TFDP1: variants seen among roughly 807,000 people sequenced by gnomAD.
The protein encoded by TFDP1 is DRTF1-polypeptide 1.
In TFDP1, 6 loss-of-function variants were observed where a neutral mutation model predicts 48.0. The observed-to-expected ratio is 0.13, with a 90% CI of 0.07 to 0.25. The LOEUF is 0.25. TFDP1 is among the 10% of genes least tolerant of loss of function. TFDP1 has a pLI of 1.00. For missense variants in TFDP1, 335 were observed against 543.0 expected, an observed-to-expected ratio of 0.62 and a Z score of 3.81; for synonymous variants, 201 against 211.6, an observed-to-expected ratio of 0.95 and a Z score of 0.44.
intron 2 of TFDP1, among the ~76,000 whole-genome samples, chr13:113,608,542 A>T (rs1380408763): frequency 6.6e-6 from 1 of 152,122 alleles, no homozygotes; most frequent in Non-Finnish European, 1.5e-5. Context: ...TCCCACACAG[A>T]TGCTCGAGCT....
intron 2 of TFDP1, among the ~76,000 whole-genome samples, chr13:113,590,114 A>C (rs988009944): frequency 2.6e-5 from 4 of 152,074 alleles, no homozygotes; most frequent in African/African-American, 9.7e-5. Flanking sequence ...GGGCATCTGA[A>C]CTCGCTCTTG....
chr13:113,606,319 G>A (rs1286216057), intron 2 of TFDP1, among the ~76,000 whole-genome samples: 1 of 152,186 alleles, frequency 6.6e-6, no homozygotes, highest in Non-Finnish European at 1.5e-5. Context: ...TGGGCAGCTT[G>A]TAAACAACAG....
intron 3 of TFDP1, among the ~76,000 whole-genome samples, chr13:113,614,039 TTG>T (rs57785552): frequency 0.46 from 70,121 of 151,154 alleles, 18,135 homozygotes; most frequent in African/African-American, 0.7. Flanking sequence ...CGTTTGTGAG[TTG>T]TGTGTGAGAT....
At chr13:113,616,801 G>A (rs949551010) in intron 3 of TFDP1, among the ~76,000 whole-genome samples, 13 of 152,312 alleles carry the variant, frequency 8.5e-5, no homozygotes, top group African/African-American at 3.1e-4. Context: ...TAGGAAGGGG[G>A]TTATAGGAAG....
chr13:113,636,680 C>T lies in TFDP1; in HGVS notation c.986C>T (p.Ala329Val). 6.2e-7 allele frequency: 1 copy of T among 1,609,874 alleles called. No homozygotes were observed. Among genetic ancestry groups the T allele is most frequent in the South Asian group, 1.1e-5 (1 of 91,072 alleles). ...LKMARSLVPK[A>V]LEPYVTEMAQ... Reference sequence around the variant, plus strand: ...ATGGCCAGAAGTCTGGTCCCCAAGGCTCTGGAGCCATACGTGACAGGTCAG... The same window carrying T: ...ATGGCCAGAAGTCTGGTCCCCAAGGTTCTGGAGCCATACGTGACAGGTCAG... The change falls in exon 10 of 12, where the codon GCT becomes GTT. Residue 329 changes from alanine to valine, a missense_variant. Ala to Val is a moderately conservative substitution (Grantham distance 64, BLOSUM62 0). Around this residue, in one of 3 missense-constraint regions of TFDP1, gnomAD observed 204 missense variants for 287.1 expected, o/e 0.71. Coordinates refer to ENST00000375370, the MANE Select transcript of TFDP1 (RefSeq NM_007111.5).
intron 5 of TFDP1, among the ~76,000 whole-genome samples, chr13:113,632,195 G>C (rs2049355589): frequency 6.6e-6 from 1 of 152,248 alleles, no homozygotes. Flanking sequence ...ACTAAAGCAA[G>C]ATCTGATGAG....
At chr13:113,637,931 C>T (rs1197014442) in intron 11 of TFDP1, 35 bp downstream of exon 11, 1 of 1,605,532 alleles carries the variant, frequency 6.2e-7, no homozygotes, top group Non-Finnish European at 8.5e-7. Context: ...GAGGCGTCAT[C>T]TGGGCCTCCC....
At chr13:113,626,389 C>G (rs1030069762) in intron 4 of TFDP1, among the ~76,000 whole-genome samples, 2 of 152,214 alleles carry the variant, frequency 1.3e-5, no homozygotes, top group African/African-American at 4.8e-5. Context: ...TTGAAATTCT[C>G]TGGATTCTTT....
In TFDP1 at chr13:113,640,435, A is replaced by G; in HGVS notation, c.*168A>G. ...AGCAAGGATTGTTTCCCGTAGGATTAGGACGTGCTGTGGATGTGTGTTTTG... is the reference window on the plus strand; with the variant it reads ...AGCAAGGATTGTTTCCCGTAGGATTGGGACGTGCTGTGGATGTGTGTTTTG... On this transcript the variant is annotated 3_prime_UTR_variant, in exon 12 of 12. Transcript: ENST00000375370. 1.7e-6 allele frequency: 2 copies of G among 1,148,106 alleles called. No homozygotes were observed. The highest frequency in any genetic ancestry group is 1.6e-5 in the South Asian group (1 of 63,904). 71.1% of individuals were successfully genotyped at this position (1,148,106 alleles called of 1,614,324 possible). A position where few individuals can be genotyped will look rare whatever the true frequency, so the allele number is the denominator to read the frequency against.
At chr13:113,629,215 G>A (rs9604172) in intron 4 of TFDP1, among the ~76,000 whole-genome samples, 64,671 of 152,110 alleles carry the variant, frequency 0.43, 14,570 homozygotes, top group African/African-American at 0.56. Context: ...TGGGCCGGAT[G>A]CCGCGGGGCC....
intron 2 of TFDP1, among the ~76,000 whole-genome samples, chr13:113,593,605 C>T (rs55996113): frequency 2.5e-4 from 35 of 140,572 alleles, no homozygotes; most frequent in Admixed American, 3.5e-4. Context: ...GGGTCCTCAC[C>T]CTGCCCAGGT....
chr13:113,634,501 A>G (rs1005348308), intron 7 of TFDP1, 33 bp from the exon 8 acceptor site: 10 of 1,597,244 alleles, frequency 6.3e-6, no homozygotes, highest in Non-Finnish European at 8.6e-6. Flanking sequence ...AACAGTTGTG[A>G]TGATTCTTCA....
intron 5 of TFDP1, among the ~76,000 whole-genome samples, chr13:113,632,847 G>C (rs1222086165): frequency 1.3e-5 from 2 of 152,200 alleles, no homozygotes; most frequent in African/African-American, 2.4e-5. Context: ...ATGCTGATTT[G>C]GGTCCTGGGG....
intron 3 of TFDP1, among the ~76,000 whole-genome samples, chr13:113,612,056 C>T (rs2048721787): frequency 1.3e-5 from 2 of 152,130 alleles, no homozygotes; most frequent in South Asian, 4.1e-4. Flanking sequence ...ACATTGTGAC[C>T]CTTGTAAGTG....
chr13:113,611,249 A>G (rs1413279968), intron 3 of TFDP1, among the ~76,000 whole-genome samples, 187 bp downstream of exon 3: 1 of 152,236 alleles, frequency 6.6e-6, no homozygotes, highest in African/African-American at 2.4e-5. Flanking sequence ...GCCTGCACAC[A>G]CACCAGTAGC....
chr13:113,603,869 T>C (rs2048499912), intron 2 of TFDP1, among the ~76,000 whole-genome samples: 1 of 152,132 alleles, frequency 6.6e-6, no homozygotes, highest in African/African-American at 2.4e-5. Flanking sequence ...CCAGTGCACA[T>C]GTCTTAAAAT....
At position 113,636,555 on chromosome 13, in the gene TFDP1, T is replaced by C. The variant is rs2099897988; in HGVS notation, c.861T>C (p.Phe287=). 1.2e-6 allele frequency: 2 copies of C among 1,613,972 alleles called. No individual in the cohort carries two copies. The highest frequency in any genetic ancestry group is 3.3e-5 in the Admixed American group (2 of 60,006). ...TCAGATTTGAGTATCTGTTTAATTT[T>C]GACAACACATTTGAAATCCACGATG... ...SNDKFEYLFN[F]DNTFEIHDDI... The change falls in exon 10 of 12, where the codon TTT becomes TTC. Residue 287 remains phenylalanine, a synonymous_variant. Coordinates refer to ENST00000375370, the MANE Select transcript of TFDP1 (RefSeq NM_007111.5).
chr13:113,604,292 A>G (rs985056219), intron 2 of TFDP1, among the ~76,000 whole-genome samples: 1 of 152,178 alleles, frequency 6.6e-6, no homozygotes, highest in Non-Finnish European at 1.5e-5. Context: ...AGCTCCTTAC[A>G]TGCTCAAGCT....
intron 2 of TFDP1, among the ~76,000 whole-genome samples, chr13:113,604,456 CAG>C (rs746045371): frequency 2.0e-5 from 3 of 152,236 alleles, no homozygotes; most frequent in Admixed American, 1.3e-4. Context: ...GGGCAGGACA[CAG>C]GGGAGGCTGT....
Sources: allele counts gnomAD v4.1 joint callset (sites outside exome capture counted in the v4.1 genomes callset), GRCh38; gene constraint gnomAD v4.1.1; regional missense constraint gnomAD v4.1.1; transcripts MANE v1.5; gene names NCBI Gene and HGNC (gene_info 2026-07-23, HGNC 2026-07-21).